Variants in SRRM2 observed in about 807,000 individuals in gnomAD.
SRRM2 encodes serine/arginine repetitive matrix protein 2.
SRRM2 carries 30 observed loss-of-function variants against 213.8 expected under a neutral mutation model. The ratio of observed to expected loss-of-function variants is 0.14; its 90% CI spans 0.10 to 0.19. The LOEUF is 0.19. Among genes scored for constraint, SRRM2 ranks in the 10% least tolerant of loss-of-function variants. SRRM2 has a pLI of 1.00. For missense variants in SRRM2, 4,904 were observed against 3,647.0 expected (o/e 1.34, Z -8.88); for synonymous variants, 2,025 against 1,377.7 (o/e 1.47, Z -10.40).
chr16:2,759,669 G>A lies in SRRM2; in HGVS notation c.833+8G>A. Reference sequence around the variant, plus strand: ...CGATACTTCCCGCAGTCGGTAAGGGGTAGTCCAGGAGGAAGGGAGGGAGAG... The same window carrying A: ...CGATACTTCCCGCAGTCGGTAAGGGATAGTCCAGGAGGAAGGGAGGGAGAG... On this transcript the variant is annotated splice_region_variant and intron_variant, in intron 9 of 14. Transcript: ENST00000301740. 1 of 1,612,224 alleles carries A rather than the reference G, an allele frequency of 6.2e-7. No individual in the cohort carries two copies. Among genetic ancestry groups the A allele is most frequent in the African/African-American group, 1.3e-5 (1 of 74,988 alleles).
In SRRM2 at chr16:2,760,305, C is replaced by G. The variant is rs1215120272; in HGVS notation, c.838C>G (p.Arg280Gly). The G allele has an allele frequency of 5.6e-6, 9 of 1,612,798 alleles. No individual in the cohort carries two copies. The highest frequency in any genetic ancestry group is 3.3e-5 in the Admixed American group (2 of 59,948). ...GTCCTCAATTAACTCCTGCAGGTCT[C>G]GAAGTGCTGCAGCTAAAACTCATAC... ...SSSDTSRSRS[R>G]SAAAKTHTTA... is the part of the protein sequence containing the mutation. Residue 280 changes from arginine to glycine, a missense_variant, in exon 10 of 15, where the codon CGA (arginine) becomes GGA (glycine). Transcript: ENST00000301740.
intron 1 of SRRM2, among the ~76,000 whole-genome samples, chr16:2,753,974 C>G (rs1048923225): frequency 6.6e-6 from 1 of 152,116 alleles, no homozygotes; most frequent in South Asian, 2.1e-4. Context: ...CTTTCTACTT[C>G]ATTGTTAGCT....
At position 2,759,561 on chromosome 16, in the gene SRRM2, TC is replaced by T. The variant is rs772294339; in HGVS notation, c.741-6del. 1 of 1,614,042 alleles carries T rather than the reference TC, an allele frequency of 6.2e-7. No homozygotes were observed. The highest frequency in any genetic ancestry group is 8.5e-7 in the Non-Finnish European group (1 of 1,179,958). The stretch of plus-strand genomic sequence containing the variant: ...GTACCCTGAGCTGTGGTGGTGGTCT[TC>T]CTTCAGGTCTCGAAGTACAACACCA... On this transcript the variant is annotated splice_region_variant and splice_polypyrimidine_tract_variant and intron_variant, in intron 8 of 14. Transcript: ENST00000301740.
rs1567229905 is a variant in SRRM2, at chr16:2,762,683, C to G, written c.2155C>G (p.Gln719Glu). 1 of 1,614,176 alleles carries G rather than the reference C, an allele frequency of 6.2e-7. No homozygotes were observed. The highest frequency in any genetic ancestry group is 8.5e-7 in the Non-Finnish European group (1 of 1,180,026). ...TGGAAGATCTCACTCTAGAACACCTCAAAGAAGAGGCAGATCTGGCTCATC... is the reference window on the plus strand; with the variant it reads ...TGGAAGATCTCACTCTAGAACACCTGAAAGAAGAGGCAGATCTGGCTCATC... ...RRGRSHSRTP[Q>E]RRGRSGSSSE... The change falls in exon 11 of 15, where the codon CAA becomes GAA. Residue 719 changes from glutamine to glutamate, a missense_variant. Transcript: ENST00000301740.
At position 2,764,673 on chromosome 16, in the gene SRRM2, G is replaced by A. The variant is rs2068478140; in HGVS notation, c.4145G>A (p.Ser1382Asn). The A allele has an allele frequency of 6.2e-7, 1 of 1,614,072 alleles. No individual in the cohort carries two copies. Among genetic ancestry groups the A allele is most frequent in the Non-Finnish European group, 8.5e-7 (1 of 1,180,038 alleles). ...CAATCGACAAGATCCTCTGGACACA[G>A]CAGTTCTGAGTTATCCCCAGATGCA... is the stretch of plus-strand genomic sequence containing the variant. The part of the protein sequence containing the change: ...KEQSTRSSGH[S>N]SSELSPDAVE... Residue 1382 changes from serine to asparagine, a missense_variant, in exon 11 of 15, where the codon AGC becomes AAC. Transcript: ENST00000301740.
chr16:2,770,518 C>T (rs2068705715), intron 13 of SRRM2, 53 bp downstream of exon 13: 1 of 1,567,416 alleles, frequency 6.4e-7, no homozygotes, highest in South Asian at 1.2e-5. Flanking sequence ...CCACTGCTTT[C>T]TACAAAGAAG....
chr16:2,758,812 G>A, intron 5 of SRRM2, 173 bp from the exon 6 acceptor site: 1 of 738,938 alleles, frequency 1.4e-6, no homozygotes, highest in Non-Finnish European at 2.2e-6. Context: ...TTGACTTAAG[G>A]AGTTACTTGT....
In SRRM2 at chr16:2,764,152, C is replaced by T. The variant is rs777520063; in HGVS notation, c.3624C>T (p.Thr1208=). The change falls in exon 11 of 15, where the codon ACC becomes ACT. Residue 1208 remains threonine, a synonymous_variant. Coordinates refer to ENST00000301740, the MANE Select transcript of SRRM2 (RefSeq NM_016333.4). ...TGGTATTCAAAGACACACTTAGAAC[C>T]CCGCCAAGGGAAAGAAGTGGTGCTG... ...SSLVFKDTLR[T]PPRERSGAGS... 1 of 1,614,118 alleles carries T rather than the reference C, an allele frequency of 6.2e-7. No homozygotes were observed. The highest frequency in any genetic ancestry group is 2.2e-5 in the East Asian group (1 of 44,884).
rs2068416527 is a variant in SRRM2, at chr16:2,763,041, C to T, written c.2513C>T (p.Ser838Leu). ...KTPSRQSHSS[S>L]SPHPKVKSGT... The stretch of plus-strand genomic sequence containing the variant: ...CCATCAAGACAAAGTCATTCCAGTT[C>T]ATCTCCTCATCCTAAAGTGAAATCT... The change falls in exon 11 of 15, where the codon TCA becomes TTA. Residue 838 changes from serine (S) to leucine (L), a missense_variant. Ser to Leu is a moderately radical substitution (Grantham distance 145). Transcript: ENST00000301740. 6 of 1,614,046 alleles carry T rather than the reference C, an allele frequency of 3.7e-6. No homozygotes were observed. Among genetic ancestry groups the T allele is most frequent in the Admixed American group, 1.7e-5 (1 of 60,004 alleles).
chr16:2,768,624 C>T (rs2068626331), intron 11 of SRRM2: 2 of 633,408 alleles, frequency 3.2e-6, no homozygotes, highest in Non-Finnish European at 5.9e-6. Context: ...CTCCCTGCCT[C>T]CAGGCAGGAC....
At position 2,762,670 on chromosome 16, in the gene SRRM2, C is replaced by T. The variant is rs750260280; in HGVS notation, c.2142C>T (p.His714=). Residue 714 remains histidine (H), a synonymous_variant, in exon 11 of 15, where the codon CAC becomes CAT. Coordinates refer to ENST00000301740, the MANE Select transcript of SRRM2 (RefSeq NM_016333.4). ...GCTTAGTTAGACGTGGAAGATCTCA[C>T]TCTAGAACACCTCAAAGAAGAGGCA... ...SRSLVRRGRS[H]SRTPQRRGRS... The T allele has an allele frequency of 1.2e-6, 2 of 1,614,176 alleles. No homozygotes were observed. Among genetic ancestry groups the T allele is most frequent in the East Asian group, 2.2e-5 (1 of 44,886 alleles).
At position 2,765,388 on chromosome 16, in the gene SRRM2, C is replaced by T; in HGVS notation, c.4860C>T (p.Ser1620=). ...CCAGGGCACAGAGTGGTTCTGATTC[C>T]TCTCCTGAACCTAAAGCTCCAGCCC... ...AAPRAQSGSD[S]SPEPKAPAPR... Residue 1620 remains serine (S), a synonymous_variant, in exon 11 of 15, where the codon TCC becomes TCT. Transcript: ENST00000301740. The T allele has an allele frequency of 1.2e-6, 2 of 1,614,134 alleles. No individual in the cohort carries two copies. The highest frequency in any genetic ancestry group is 1.7e-6 in the Non-Finnish European group (2 of 1,180,030).
At chr16:2,760,552 A>G (rs1465536709) in intron 10 of SRRM2, 53 bp downstream of exon 10, 1 of 1,594,358 alleles carries the variant, frequency 6.3e-7, no homozygotes, top group African/African-American at 1.3e-5. Context: ...TAGATTTAGG[A>G]TAGACATGTG....
At chr16:2,761,032 T>C (rs1426677490) in intron 10 of SRRM2, among the ~76,000 whole-genome samples, 1 of 152,240 alleles carries the variant, frequency 6.6e-6, no homozygotes, top group East Asian at 1.9e-4. Flanking sequence ...TACAAGTTGG[T>C]TGACCTCAGA....
intron 14 of SRRM2, 36 bp downstream of exon 14, chr16:2,770,753 A>G (rs374166877): frequency 3.1e-6 from 5 of 1,594,158 alleles, no homozygotes; most frequent in Non-Finnish European, 8.6e-7. Context: ...CCCTTCCGGG[A>G]GCCAGTTGTG....
At chr16:2,768,458 G>A (rs992970536) in intron 11 of SRRM2, 197 bp downstream of exon 11, 6 of 674,948 alleles carry the variant, frequency 8.9e-6, no homozygotes, top group East Asian at 2.7e-5. Flanking sequence ...AAAAGTCTCC[G>A]AAGGTTCATT....
chr16:2,769,168 TTCTTCCTCCTCA>T lies in SRRM2; in HGVS notation c.7917_7928del (p.Ser2645_Ser2648del), dbSNP rs1319707597. On this transcript the variant is annotated inframe_deletion, in exon 12 of 15. Coordinates refer to ENST00000301740, the MANE Select transcript of SRRM2 (RefSeq NM_016333.4). Reference sequence around the variant, plus strand: ...CTTCCTCCTCCTCTTCCTCTTCTTCTTCTTCCTCCTCATCTTCCTCCTCCTCGTCGTCTTCCT... The same window carrying T: ...CTTCCTCCTCCTCTTCCTCTTCTTCTTCTTCCTCCTCCTCGTCGTCTTCCT... 2.4e-5 allele frequency: 38 copies of T among 1,611,932 alleles called. No individual in the cohort carries two copies. Among genetic ancestry groups the T allele is most frequent in the Non-Finnish European group, 3.0e-5 (35 of 1,178,562 alleles).
rs764866934 is a variant in SRRM2 at position 2,764,361 on chromosome 16, C to G, written c.3833C>G (p.Pro1278Arg). 3 of 1,614,184 alleles carry G rather than the reference C, an allele frequency of 1.9e-6. No homozygotes were observed. In the East Asian group the frequency reaches 6.7e-5, roughly 36 times the overall value. ...TCATCTCCTGAAGTAGAAGAAAGGC[C>G]TGCTGTGTCTTTGACTCTTGATCAG... ...FESSPEVEER[P>R]AVSLTLDQSQ... Residue 1278 changes from proline to arginine, a missense_variant, in exon 11 of 15, where the codon CCT becomes CGT. Transcript: ENST00000301740.
chr16:2,767,365 T>C lies in SRRM2; in HGVS notation c.6837T>C (p.Pro2279=), dbSNP rs1179704628. 1.2e-6 allele frequency: 2 copies of C among 1,613,622 alleles called. No individual in the cohort carries two copies. Among genetic ancestry groups the C allele is most frequent in the African/African-American group, 2.7e-5 (2 of 74,892 alleles). ...CCAGCCCCAGAACAGCGGTGGCACC[T>C]TCGGCTGTGAACCTGGCTGACCCTC... ...NLASPRTAVA[P]SAVNLADPRT... Residue 2279 remains proline (P), a synonymous_variant, in exon 11 of 15, where the codon CCT becomes CCC. Transcript: ENST00000301740.
Sources: allele counts gnomAD v4.1 joint callset (sites outside exome capture counted in the v4.1 genomes callset), GRCh38; gene constraint gnomAD v4.1.1; transcripts MANE v1.5; gene names NCBI Gene and HGNC (gene_info 2026-07-23, HGNC 2026-07-21).